NRG2: variants seen among roughly 807,000 people sequenced by gnomAD.
NRG2 encodes pro-neuregulin-2, membrane-bound isoform.
In NRG2, 27 loss-of-function variants were observed where a neutral mutation model predicts 73.9. The observed-to-expected ratio is 0.37, with a 90% CI of 0.27 to 0.50. The LOEUF is 0.50. Ranked by LOEUF, NRG2 falls within the 20% of genes least tolerant of loss-of-function variation. The pLI is 0.96. For synonymous variants in NRG2, 532 were observed against 541.0 expected (o/e 0.98, Z 0.23); for missense variants, 1,126 against 1,210.1 (o/e 0.93, Z 1.03).
At chr5:139,912,970 G>A (rs1042659150) in intron 1 of NRG2, among the ~76,000 whole-genome samples, 1 of 152,146 alleles carries the variant, frequency 6.6e-6, no homozygotes, top group Admixed American at 6.5e-5. Flanking sequence ...CTTGCCATCA[G>A]CTGCTGCTCT....
At chr5:139,929,359 T>C (rs1040356576) in intron 1 of NRG2, among the ~76,000 whole-genome samples, 1 of 152,238 alleles carries the variant, frequency 6.6e-6, no homozygotes, top group Non-Finnish European at 1.5e-5. Flanking sequence ...AAGCGTGTTA[T>C]ACCTTCTACT....
chr5:139,994,197 T>C (rs1364536263), intron 1 of NRG2, among the ~76,000 whole-genome samples: 1 of 152,244 alleles, frequency 6.6e-6, no homozygotes, highest in Non-Finnish European at 1.5e-5. Flanking sequence ...CCTGCATTTA[T>C]TTAGTCACTT....
intron 1 of NRG2, among the ~76,000 whole-genome samples, chr5:140,016,611 T>C (rs914032137): frequency 6.6e-6 from 1 of 152,240 alleles, no homozygotes; most frequent in Non-Finnish European, 1.5e-5. Context: ...ATTTTTTAGT[T>C]ACTACCATAA....
At chr5:139,955,656 A>G (rs1754566479) in intron 1 of NRG2, among the ~76,000 whole-genome samples, 1 of 152,112 alleles carries the variant, frequency 6.6e-6, no homozygotes, top group African/African-American at 2.4e-5. Context: ...GTGTCTTCCC[A>G]CGTCTCTTTT....
intron 1 of NRG2, among the ~76,000 whole-genome samples, chr5:139,923,196 T>G (rs1751808220): frequency 2.0e-5 from 3 of 152,162 alleles, no homozygotes; most frequent in African/African-American, 7.2e-5. Flanking sequence ...TGTGCGTGTG[T>G]GGGACAGGGA....
At chr5:139,880,461 G>A (rs1278236575) in intron 3 of NRG2, among the ~76,000 whole-genome samples, 1 of 152,142 alleles carries the variant, frequency 6.6e-6, no homozygotes, top group African/African-American at 2.4e-5. Context: ...CCTGTGCTCA[G>A]GTGCCCAGCA....
chr5:139,991,867 T>G (rs1356712150), intron 1 of NRG2, among the ~76,000 whole-genome samples: 1 of 152,222 alleles, frequency 6.6e-6, no homozygotes, highest in Non-Finnish European at 1.5e-5. Flanking sequence ...GTTCCATATC[T>G]ATGTGAGGCA....
chr5:139,890,282 G>A (rs1302435081), intron 1 of NRG2, among the ~76,000 whole-genome samples: 1 of 152,052 alleles, frequency 6.6e-6, no homozygotes, highest in African/African-American at 2.4e-5. Flanking sequence ...TCTTCTTTTT[G>A]AATTGCCTGT....
At chr5:139,886,075 C>G (rs895947858) in intron 2 of NRG2, among the ~76,000 whole-genome samples, 1 of 152,250 alleles carries the variant, frequency 6.6e-6, no homozygotes, top group Admixed American at 6.5e-5. Flanking sequence ...ACCCCCCACT[C>G]GCCACTGGCC....
At chr5:139,962,319 T>C (rs1293670132) in intron 1 of NRG2, among the ~76,000 whole-genome samples, 1 of 151,800 alleles carries the variant, frequency 6.6e-6, no homozygotes, top group African/African-American at 2.4e-5. Context: ...CTATGGAGGA[T>C]GAAGAGAGAA....
chr5:139,941,987 A>G (rs377483543), intron 1 of NRG2, among the ~76,000 whole-genome samples: 1 of 152,204 alleles, frequency 6.6e-6, no homozygotes, highest in African/African-American at 2.4e-5. Context: ...TTTAGGTTAA[A>G]TTCATTAAGA....
chr5:139,970,673 C>T (rs369599482), intron 1 of NRG2, among the ~76,000 whole-genome samples: 1 of 152,308 alleles, frequency 6.6e-6, no homozygotes, highest in South Asian at 2.1e-4. Context: ...TAGCATGCAA[C>T]CTGTGCATGA....
intron 2 of NRG2, among the ~76,000 whole-genome samples, chr5:139,881,534 T>TTTCA (rs753148876): frequency 3.9e-5 from 6 of 152,174 alleles, no homozygotes; most frequent in South Asian, 2.1e-4. Context: ...GGGGTTTTTG[T>TTTCA]TTCATTCATT....
chr5:140,025,930 T>C (rs1048426164), intron 1 of NRG2, among the ~76,000 whole-genome samples: 2 of 152,186 alleles, frequency 1.3e-5, no homozygotes, highest in Admixed American at 1.3e-4. Flanking sequence ...ACTAGGCCTT[T>C]ATGTTTACAG....
intron 1 of NRG2, among the ~76,000 whole-genome samples, chr5:140,030,475 G>T (rs1238166653): frequency 1.3e-5 from 2 of 152,340 alleles, no homozygotes; most frequent in East Asian, 3.9e-4. Context: ...AGCCCACATT[G>T]TCTGTGGGCA....
intron 1 of NRG2, among the ~76,000 whole-genome samples, chr5:140,032,573 G>A (rs1761234003): frequency 6.6e-6 from 1 of 152,160 alleles, no homozygotes; most frequent in East Asian, 1.9e-4. Context: ...GAAAGCAAAT[G>A]CTCCCACTGC....
chr5:140,036,142 A>G (rs1376150662), intron 1 of NRG2, among the ~76,000 whole-genome samples: 1 of 152,186 alleles, frequency 6.6e-6, no homozygotes, highest in East Asian at 1.9e-4. Flanking sequence ...GGCCATTTGG[A>G]TCTTCCTGCA....
At chr5:139,968,830 CAGA>C (rs1405091116) in intron 1 of NRG2, among the ~76,000 whole-genome samples, 1 of 152,266 alleles carries the variant, frequency 6.6e-6, no homozygotes, top group Non-Finnish European at 1.5e-5. Context: ...GGGAAGGCAG[CAGA>C]CCTTTCCAAA....
At chr5:139,970,436 C>T (rs1755879354) in intron 1 of NRG2, among the ~76,000 whole-genome samples, 1 of 151,842 alleles carries the variant, frequency 6.6e-6, no homozygotes, top group Non-Finnish European at 1.5e-5. Context: ...AACATCCCCA[C>T]CTCCACTGGA....
Sources: gnomAD v4.1 joint callset for allele counts (sites outside exome capture counted in the v4.1 genomes callset) on GRCh38, gnomAD v4.1.1 for gene constraint, MANE v1.5 for transcripts, NCBI Gene and HGNC (gene_info 2026-07-23, HGNC 2026-07-21) for gene names.